Variants in ERC1 observed in about 807,000 individuals in gnomAD.
ERC1 encodes RAB6 interacting protein 2.
Under a neutral mutation model 132.0 loss-of-function variants are expected in ERC1, and 56 were observed. That is an observed-to-expected ratio of 0.42 (90% CI 0.34 to 0.53). ERC1 has a LOEUF of 0.53. ERC1 is among the 20% of genes least tolerant of loss of function. The pLI, the probability that ERC1 is intolerant of heterozygous loss-of-function variation, is 0.03. For missense variants in ERC1, 1,202 were observed against 1,349.9 expected (o/e 0.89, Z 1.72); for synonymous variants, 478 against 476.1 (o/e 1.00, Z -0.05).
chr12:1,483,488 CCTT>C (rs774612247), intron 18 of ERC1, among the ~76,000 whole-genome samples: 9 of 151,784 alleles, frequency 5.9e-5, no homozygotes, highest in African/African-American at 2.2e-4. Context: ...TCAATTTTTC[CCTT>C]CTTAAGGTCG....
chr12:1,180,280 T>TGTGC (rs368598981), intron 8 of ERC1, among the ~76,000 whole-genome samples: 1 of 140,732 alleles, frequency 7.1e-6, no homozygotes, highest in Non-Finnish European at 1.5e-5. Context: ...TGTGTGTGTG[T>TGTGC]GTGCGCGCAC....
chr12:1,011,756 A>T (rs942755491), intron 1 of ERC1, among the ~76,000 whole-genome samples: 1 of 152,136 alleles, frequency 6.6e-6, no homozygotes, highest in Non-Finnish European at 1.5e-5. Flanking sequence ...TGGTTAGCCT[A>T]GCTAACATGG....
intron 16 of ERC1, among the ~76,000 whole-genome samples, chr12:1,403,624 C>T (rs1201262505): frequency 6.6e-6 from 1 of 151,858 alleles, no homozygotes; most frequent in Non-Finnish European, 1.5e-5. Context: ...CATTCTCTGA[C>T]GTGGATCAAA....
intron 13 of ERC1, among the ~76,000 whole-genome samples, chr12:1,262,031 G>T (rs1426047334): frequency 6.6e-6 from 1 of 152,150 alleles, no homozygotes; most frequent in Non-Finnish European, 1.5e-5. Context: ...ACAAAAGTGG[G>T]CTGTGGTATA....
chr12:1,169,791 T>C (rs1036628548), intron 8 of ERC1, among the ~76,000 whole-genome samples: 1 of 152,234 alleles, frequency 6.6e-6, no homozygotes, highest in African/African-American at 2.4e-5. Context: ...TTTGAATTTA[T>C]TTGTGTCTCT....
At chr12:1,106,354 C>T (rs1333459418) in intron 4 of ERC1, among the ~76,000 whole-genome samples, 1 of 152,164 alleles carries the variant, frequency 6.6e-6, no homozygotes, top group Non-Finnish European at 1.5e-5. Context: ...ACAACTACTT[C>T]TTCATATCCT....
intron 15 of ERC1, among the ~76,000 whole-genome samples, chr12:1,339,246 A>T: frequency 7.1e-6 from 1 of 140,968 alleles, no homozygotes; most frequent in Admixed American, 7.1e-5. Flanking sequence ...CGACTGTGAC[A>T]GGGTGCTAGC....
intron 10 of ERC1, 21 bp downstream of exon 10, chr12:1,182,086 A>G (rs375499436): frequency 6.2e-7 from 1 of 1,610,076 alleles, no homozygotes. Context: ...CCAAAATGGA[A>G]TTAGTTTGTT....
intron 15 of ERC1, among the ~76,000 whole-genome samples, chr12:1,296,188 TGTG>T (rs944927331): frequency 6.6e-6 from 1 of 151,892 alleles, no homozygotes; most frequent in African/African-American, 2.4e-5. Flanking sequence ...ACCAGCCAGG[TGTG>T]GTGGTGCACA....
chr12:996,249 CTTTTTTTTTTT>C (rs35403554), intron 1 of ERC1, among the ~76,000 whole-genome samples: 33 of 43,770 alleles, frequency 7.5e-4, no homozygotes, highest in African/African-American at 2.0e-3. Flanking sequence ...CCATGCCTGG[CTTTTTTTTTTT>C]TTTTTTTTTT....
intron 16 of ERC1, among the ~76,000 whole-genome samples, chr12:1,405,227 A>G (rs2091398095): frequency 1.3e-5 from 2 of 150,820 alleles, no homozygotes; most frequent in East Asian, 3.9e-4. Flanking sequence ...CATTCAGACC[A>G]TAGCAAAGGT....
At position 1,465,148 on chromosome 12, in the gene ERC1, G is replaced by C. The variant is rs569702933; in HGVS notation, c.3213+20398G>C. 2.0e-5 allele frequency among the ~76,000 whole-genome samples: 3 copies of C among 152,230 alleles called. No individual in the cohort carries two copies. The South Asian group carries it at 6.2e-4, about 32-fold the overall frequency. ...ATTGAACGCGGGTCTGTCATCGCCA[G>C]TGTCATCTTCCAGAGATGATGCTCC... is the stretch of plus-strand genomic sequence containing the variant. On this transcript the variant is annotated intron_variant, in intron 18 of 18. Transcript: ENST00000360905.
intron 1 of ERC1, among the ~76,000 whole-genome samples, chr12:1,004,973 C>A (rs7974253): frequency 2.0e-5 from 3 of 152,018 alleles, no homozygotes; most frequent in Non-Finnish European, 2.9e-5. Flanking sequence ...TTAATGGTCC[C>A]AGAGACTCAT....
intron 8 of ERC1, among the ~76,000 whole-genome samples, chr12:1,171,892 A>G (rs1039184078): frequency 9.8e-5 from 15 of 152,312 alleles, no homozygotes; most frequent in African/African-American, 3.6e-4. Context: ...CAGGGCTGAT[A>G]AAAGCCAAAA....
At position 1,465,144 on chromosome 12, in the gene ERC1, G is replaced by A. The variant is rs143341059; in HGVS notation, c.3213+20394G>A. 4.7e-3 allele frequency among the ~76,000 whole-genome samples: 719 copies of A among 152,122 alleles called. 6 individuals carry two copies. The highest frequency in any genetic ancestry group is 0.017 in the African/African-American group (698 of 41,502). On this transcript the variant is annotated intron_variant, in intron 18 of 18. Coordinates refer to ENST00000360905, the MANE Select transcript of ERC1 (RefSeq NM_178040.4). ...GGTCATTGAACGCGGGTCTGTCATCGCCAGTGTCATCTTCCAGAGATGATG... is the reference window on the plus strand; with the variant it reads ...GGTCATTGAACGCGGGTCTGTCATCACCAGTGTCATCTTCCAGAGATGATG...
chr12:1,019,960 G>T (rs1329755585), intron 1 of ERC1, among the ~76,000 whole-genome samples: 1 of 151,174 alleles, frequency 6.6e-6, no homozygotes, highest in African/African-American at 2.4e-5. Flanking sequence ...TTGCCGTGTT[G>T]TCCAGGCTGG....
chr12:1,412,452 C>T (rs180755002), intron 17 of ERC1, among the ~76,000 whole-genome samples: 138 of 152,284 alleles, frequency 9.1e-4, no homozygotes, highest in African/African-American at 3.0e-3. Flanking sequence ...GGTGGTAAAA[C>T]GTAACGCTTA....
chr12:992,067 C>G (rs1175094695), intron 1 of ERC1, among the ~76,000 whole-genome samples: 1 of 152,072 alleles, frequency 6.6e-6, no homozygotes, highest in African/African-American at 2.4e-5. Context: ...AGTTTTACAC[C>G]GAAGAAGAGG....
chr12:1,056,221 C>T (rs544733935), intron 2 of ERC1, among the ~76,000 whole-genome samples: 3 of 151,742 alleles, frequency 2.0e-5, no homozygotes, highest in Admixed American at 1.3e-4. Context: ...GTAATGAACA[C>T]GTTTCTAGTG....
Sources: gnomAD v4.1 joint callset for allele counts (sites outside exome capture counted in the v4.1 genomes callset) on GRCh38, gnomAD v4.1.1 for gene constraint, MANE v1.5 for transcripts, NCBI Gene and HGNC (gene_info 2026-07-23, HGNC 2026-07-21) for gene names.